The following GRIA3 variants were observed in gnomAD, a reference collection of about 807,000 sequenced individuals.
GRIA3 encodes the protein glutamate receptor 3.
In GRIA3, 3 loss-of-function variants were observed where a neutral mutation model predicts 63.0. The observed-to-expected ratio is 0.05, with a 90% CI of 0.02 to 0.12. The LOEUF (loss-of-function observed/expected upper bound fraction) is 0.12. Among genes scored for constraint, GRIA3 ranks in the 10% least tolerant of loss-of-function variants. GRIA3 has a pLI of 1.00. For synonymous variants in GRIA3, 274 were observed against 257.9 expected (o/e 1.06, Z -0.60); for missense variants, 347 against 700.9 (o/e 0.50, Z 5.70).
At chrX:123,296,547 T>G (rs2044687442) in intron 3 of GRIA3, among the ~76,000 whole-genome samples, 2 of 111,254 alleles carry the variant, frequency 1.8e-5, no homozygotes, top group African/African-American at 6.5e-5. Context: ...CACGCTATGT[T>G]CCCTCAGAAA....
intron 3 of GRIA3, among the ~76,000 whole-genome samples, chrX:123,277,732 C>A (rs959520156): frequency 1.8e-5 from 2 of 112,237 alleles, no homozygotes; most frequent in Non-Finnish European, 3.8e-5. Context: ...TCTCAAATCA[C>A]AGTTCTATGT....
At chrX:123,314,968 A>G (rs2044821842) in intron 3 of GRIA3, among the ~76,000 whole-genome samples, 1 of 112,021 alleles carries the variant, frequency 8.9e-6, no homozygotes, top group Non-Finnish European at 1.9e-5. Flanking sequence ...TACATCCTTC[A>G]TGAAGGAGGT....
intron 12 of GRIA3, among the ~76,000 whole-genome samples, chrX:123,429,052 G>A (rs2045604208): frequency 9.0e-6 from 1 of 111,645 alleles, no homozygotes; most frequent in Non-Finnish European, 1.9e-5. Context: ...TGTAACCACA[G>A]TAACTAGTTG....
At chrX:123,332,597 A>C (rs1040338858) in intron 4 of GRIA3, among the ~76,000 whole-genome samples, 1 of 111,323 alleles carries the variant, frequency 9.0e-6, no homozygotes, top group African/African-American at 3.3e-5. Context: ...AGAATTTTCC[A>C]ATCAGAATAG....
intron 12 of GRIA3, among the ~76,000 whole-genome samples, chrX:123,463,602 GGGAGGGAGGGAA>G (rs1569440775): frequency 4.6e-4 from 15 of 32,833 alleles, no homozygotes; most frequent in Non-Finnish European, 7.5e-4. Context: ...GAGGGAGGGA[GGGAGGGAGGGAA>G]AGAAAGAAAG....
At chrX:123,299,442 G>A (rs1310333972) in intron 3 of GRIA3, among the ~76,000 whole-genome samples, 1 of 110,037 alleles carries the variant, frequency 9.1e-6, no homozygotes, top group Non-Finnish European at 1.9e-5. Flanking sequence ...GAGATCTTTT[G>A]GCTCCCTAGT....
At chrX:123,460,602 G>A (rs1033197306) in intron 12 of GRIA3, among the ~76,000 whole-genome samples, 3 of 111,821 alleles carry the variant, frequency 2.7e-5, no homozygotes, top group African/African-American at 9.7e-5. Context: ...ATTCAGTATC[G>A]TGGTTACTTT....
At chrX:123,283,944 C>A (rs2044602117) in intron 3 of GRIA3, among the ~76,000 whole-genome samples, 1 of 112,628 alleles carries the variant, frequency 8.9e-6, no homozygotes, top group Non-Finnish European at 1.9e-5. Flanking sequence ...CCCCATGCCT[C>A]CTGACTAGGA....
At chrX:123,317,042 G>A (rs964626885) in intron 3 of GRIA3, among the ~76,000 whole-genome samples, 13 of 111,272 alleles carry the variant, frequency 1.2e-4, no homozygotes, top group Admixed American at 5.7e-4. Context: ...GAATTATGGC[G>A]GGAGGCAAAA....
chrX:123,337,505 T>C (rs1240941654), intron 4 of GRIA3, among the ~76,000 whole-genome samples: 1 of 111,503 alleles, frequency 9.0e-6, no homozygotes, highest in Non-Finnish European at 1.9e-5. Flanking sequence ...AGCTTAAGAA[T>C]GGGGACACAG....
At chrX:123,412,269 T>G (rs2147389766) in intron 10 of GRIA3, among the ~76,000 whole-genome samples, 1 of 111,934 alleles carries the variant, frequency 8.9e-6, no homozygotes, top group East Asian at 2.8e-4. Flanking sequence ...TGAGCTCTCT[T>G]GGGACTGCCA....
chrX:123,207,472 C>G (rs776154600), intron 2 of GRIA3, among the ~76,000 whole-genome samples: 58 of 111,744 alleles, frequency 5.2e-4, no homozygotes, highest in Non-Finnish European at 1.0e-3. Flanking sequence ...CAGAGAAGAA[C>G]ACAGCCTGGC....
At chrX:123,387,786 T>A (rs147178998) in intron 5 of GRIA3, among the ~76,000 whole-genome samples, 4,603 of 112,483 alleles carry the variant, frequency 0.041, 227 homozygotes, top group African/African-American at 0.14. Context: ...TAAATCCCAC[T>A]TGATCATGGT....
At chrX:123,417,099 A>G (rs2045540591) in intron 10 of GRIA3, among the ~76,000 whole-genome samples, 1 of 112,388 alleles carries the variant, frequency 8.9e-6, no homozygotes, top group South Asian at 3.7e-4. Context: ...ACAAGGCAGT[A>G]CAAGTTGTAT....
intron 10 of GRIA3, among the ~76,000 whole-genome samples, chrX:123,408,721 C>A (rs73553784): frequency 3.5e-3 from 391 of 112,136 alleles, no homozygotes; most frequent in African/African-American, 0.012. Context: ...GAGGCTCTTA[C>A]AGAAATGTCC....
chrX:123,380,638 T>C (rs1176617740), intron 5 of GRIA3, among the ~76,000 whole-genome samples: 1 of 112,104 alleles, frequency 8.9e-6, no homozygotes, highest in Non-Finnish European at 1.9e-5. Flanking sequence ...GTGCAGAAGC[T>C]CTTTAGTTTA....
chrX:123,385,250 T>TA (rs1334832272), intron 5 of GRIA3, among the ~76,000 whole-genome samples: 3 of 112,316 alleles, frequency 2.7e-5, no homozygotes, highest in Non-Finnish European at 5.6e-5. Flanking sequence ...ACTTATTGAA[T>TA]AGGGTATCCT....
At chrX:123,277,416 G>A (rs1445015651) in intron 3 of GRIA3, among the ~76,000 whole-genome samples, 3 of 111,367 alleles carry the variant, frequency 2.7e-5, no homozygotes, top group Non-Finnish European at 1.9e-5. Flanking sequence ...AACAAGAAGC[G>A]AGGAATGAAG....
intron 3 of GRIA3, among the ~76,000 whole-genome samples, chrX:123,314,863 G>C (rs1214654425): frequency 1.8e-5 from 2 of 112,085 alleles, no homozygotes; most frequent in African/African-American, 6.5e-5. Context: ...TGGGGTACCT[G>C]TTAGCTCAAG....
Sources: allele counts gnomAD v4.1 joint callset (sites outside exome capture counted in the v4.1 genomes callset), GRCh38; gene constraint gnomAD v4.1.1; transcripts MANE v1.5; gene names NCBI Gene and HGNC (gene_info 2026-07-23, HGNC 2026-07-21).